Variants in SYT1 observed in about 807,000 individuals in gnomAD.
SYT1 encodes synaptotagmin 1, also known as synaptotagmin-1.
A neutral mutation model predicts 44.8 loss-of-function variants in SYT1; 8 were observed. The observed-to-expected ratio is 0.18, with a 90% confidence interval of 0.10 to 0.32. The LOEUF (loss-of-function observed/expected upper bound fraction) is 0.32, where lower values mean the gene tolerates loss of function less well. SYT1 is among the 10% of genes least tolerant of loss of function. The pLI, the probability that SYT1 is intolerant of heterozygous loss-of-function variation, is 1.00. For synonymous variants in SYT1, 154 were observed against 188.8 expected, an observed-to-expected ratio of 0.82 and a Z score of 1.51; for missense variants, 286 against 509.3, an observed-to-expected ratio of 0.56 and a Z score of 4.22.
chr12:79,187,946 T>C (rs1472641108), intron 3 of SYT1, among the ~76,000 whole-genome samples: 1 of 152,168 alleles, frequency 6.6e-6, no homozygotes, highest in Non-Finnish European at 1.5e-5. Flanking sequence ...TTAAGGAATA[T>C]GTCATGTTTC....
At position 79,179,028 on chromosome 12, in the gene SYT1, A is replaced by ATATATC. The variant is rs1491253075; in HGVS notation, c.-17-38470_-17-38469insCTATAT. 1.2e-3 allele frequency among the ~76,000 whole-genome samples: 5 copies of ATATATC among 4,008 alleles called. 2 individuals carry two copies. The highest frequency in any genetic ancestry group is 4.8e-3 in the African/African-American group (4 of 836). The allele number at this position is 4,008 out of a possible 152,430, so 2.6% of individuals were successfully genotyped here. A position where few individuals can be genotyped will look rare whatever the true frequency, so the allele number is the denominator to read the frequency against. Reference sequence around the variant, plus strand: ...TATAGATATATAGATATAGATATAGATATATAGATATAGATATAGATATAT... The same window carrying ATATATC: ...TATAGATATATAGATATAGATATAGATATATCTATATAGATATAGATATAGATATAT... On this transcript the variant is annotated intron_variant, in intron 3 of 10. Coordinates refer to ENST00000261205, the MANE Select transcript of SYT1 (RefSeq NM_005639.3).
chr12:79,340,789 C>T (rs989587923), intron 8 of SYT1, among the ~76,000 whole-genome samples: 1 of 152,056 alleles, frequency 6.6e-6, no homozygotes, highest in African/African-American at 2.4e-5. Context: ...AAAGCTTTAG[C>T]TAAAGGTAAT....
At chr12:79,053,250 C>T (rs12316259) in intron 3 of SYT1, among the ~76,000 whole-genome samples, 13,190 of 152,002 alleles carry the variant, frequency 0.087, 1,988 homozygotes, top group African/African-American at 0.3. Context: ...AGCAAACTAT[C>T]GCAAGGATAA....
chr12:79,093,568 A>C (rs562112973), intron 3 of SYT1, among the ~76,000 whole-genome samples: 50 of 151,778 alleles, frequency 3.3e-4, no homozygotes, highest in African/African-American at 1.1e-3. Flanking sequence ...TGAAACCTTT[A>C]TAATAATTTT....
intron 8 of SYT1, among the ~76,000 whole-genome samples, chr12:79,329,210 G>C (rs2139006304): frequency 6.6e-6 from 1 of 152,292 alleles, no homozygotes; most frequent in East Asian, 1.9e-4. Flanking sequence ...CAACCCTGCA[G>C]AAGGAGAGCC....
At chr12:79,278,152 G>A (rs768439369) in intron 4 of SYT1, among the ~76,000 whole-genome samples, 4 of 152,092 alleles carry the variant, frequency 2.6e-5, no homozygotes, top group Non-Finnish European at 4.4e-5. Context: ...CTGGTCTCTG[G>A]AACAAATGGA....
At chr12:79,011,657 T>TAAAA (rs11289217) in intron 2 of SYT1, among the ~76,000 whole-genome samples, 5 of 108,188 alleles carry the variant, frequency 4.6e-5, no homozygotes, top group East Asian at 2.6e-4. Context: ...CAGAGATTTG[T>TAAAA]AAAAAAAAAA....
At chr12:79,101,550 A>G (rs999233742) in intron 3 of SYT1, among the ~76,000 whole-genome samples, 7 of 152,192 alleles carry the variant, frequency 4.6e-5, no homozygotes, top group African/African-American at 7.2e-5. Context: ...TGGTTGTACA[A>G]TGTGAATGTA....
intron 8 of SYT1, among the ~76,000 whole-genome samples, chr12:79,309,126 C>T (rs1223336235): frequency 6.6e-6 from 1 of 152,178 alleles, no homozygotes; most frequent in Non-Finnish European, 1.5e-5. Flanking sequence ...TGTGTGATAG[C>T]CTCTTTCTAC....
intron 8 of SYT1, among the ~76,000 whole-genome samples, chr12:79,336,419 C>A (rs562114979): frequency 3.5e-4 from 53 of 152,100 alleles, no homozygotes; most frequent in African/African-American, 1.3e-3. Flanking sequence ...CCCCTTTATT[C>A]TCTTCCTCAA....
intron 4 of SYT1, among the ~76,000 whole-genome samples, chr12:79,277,650 C>G (rs949604133): frequency 1.3e-5 from 2 of 152,060 alleles, no homozygotes; most frequent in African/African-American, 2.4e-5. Flanking sequence ...ATGAATGGAA[C>G]AGTTACCCAC....
chr12:79,204,956 T>C (rs11113145), intron 3 of SYT1, among the ~76,000 whole-genome samples: 1 of 39,400 alleles, frequency 2.5e-5, no homozygotes, highest in African/African-American at 1.0e-4. Context: ...GCTCCTGTTG[T>C]AACTTTTTTT....
At chr12:79,345,098 C>T (rs1882547997) in intron 8 of SYT1, among the ~76,000 whole-genome samples, 1 of 152,164 alleles carries the variant, frequency 6.6e-6, no homozygotes, top group Non-Finnish European at 1.5e-5. Context: ...CCTTCCTTAT[C>T]TCAGCTCAGG....
intron 3 of SYT1, among the ~76,000 whole-genome samples, chr12:79,214,714 A>G (rs1471425886): frequency 6.6e-6 from 1 of 152,240 alleles, no homozygotes; most frequent in Non-Finnish European, 1.5e-5. Flanking sequence ...AAAATTAAGC[A>G]GAAACATAGT....
intron 3 of SYT1, among the ~76,000 whole-genome samples, chr12:79,077,971 T>G (rs1876771899): frequency 6.6e-6 from 1 of 152,228 alleles, no homozygotes; most frequent in Non-Finnish European, 1.5e-5. Context: ...GAAATATTTT[T>G]GCATTAGTTT....
At chr12:78,935,288 G>T (rs895989166) in intron 1 of SYT1, among the ~76,000 whole-genome samples, 1 of 152,136 alleles carries the variant, frequency 6.6e-6, no homozygotes, top group Non-Finnish European at 1.5e-5. Flanking sequence ...GTTCTGAGAG[G>T]TTAGTTCTGG....
intron 9 of SYT1, among the ~76,000 whole-genome samples, chr12:79,381,853 T>C (rs1884236404): frequency 6.6e-6 from 1 of 152,174 alleles, no homozygotes; most frequent in African/African-American, 2.4e-5. Flanking sequence ...TTTGTGCTTC[T>C]ACTGACATGA....
At chr12:79,353,946 A>AG (rs1195248454) in intron 9 of SYT1, among the ~76,000 whole-genome samples, 11 of 152,190 alleles carry the variant, frequency 7.2e-5, no homozygotes, top group African/African-American at 2.7e-4. Context: ...TTGAGCTTAG[A>AG]GGGGGTTTTT....
chr12:79,135,398 A>T (rs1869126503), intron 3 of SYT1, among the ~76,000 whole-genome samples: 1 of 152,098 alleles, frequency 6.6e-6, no homozygotes, highest in Non-Finnish European at 1.5e-5. Flanking sequence ...AGGGTGGGAA[A>T]GTGAGCCAGG....
Sources: allele counts gnomAD v4.1 joint callset (sites outside exome capture counted in the v4.1 genomes callset), GRCh38; gene constraint gnomAD v4.1.1; transcripts MANE v1.5; gene names NCBI Gene and HGNC (gene_info 2026-07-23, HGNC 2026-07-21).